PSAT1: variants seen among roughly 807,000 people sequenced by gnomAD.
PSAT1 encodes phosphoserine aminotransferase.
PSAT1 carries 41 observed loss-of-function variants against 40.3 expected under a neutral mutation model. That is an observed-to-expected ratio of 1.02 (90% CI 0.79 to 1.32). PSAT1 has a LOEUF of 1.32. Among genes scored for constraint, PSAT1 ranks in the 40% most tolerant of loss-of-function variants. The pLI is 0.00. For missense variants in PSAT1, 406 were observed against 455.8 expected (o/e 0.89, Z 0.99); for synonymous variants, 147 against 170.5 (o/e 0.86, Z 1.07).
At chr9:78,309,981 T>A (rs1828242694) in intron 6 of PSAT1, among the ~76,000 whole-genome samples, 1 of 152,170 alleles carries the variant, frequency 6.6e-6, no homozygotes, top group South Asian at 2.1e-4. Flanking sequence ...AATAAATCTG[T>A]GTATATATAT....
Position 78,304,837 on chromosome 9 carries a change from T to G in PSAT1, c.294T>G (p.Cys98Trp). ...LNLIGLKAGR[C>W]ADYVVTGAWS... ...TCATTGGCTTGAAAGCAGGAAGGTG[T>G]GCTGACTATGTGGTGACAGGAGCTT... Residue 98 changes from cysteine (C) to tryptophan (W), a missense_variant, in exon 4 of 9, where the codon TGT becomes TGG. Coordinates refer to ENST00000376588, the MANE Select transcript of PSAT1 (RefSeq NM_058179.4). 2 of 1,614,176 alleles carry G rather than the reference T, an allele frequency of 1.2e-6. No individual in the cohort carries two copies. Among genetic ancestry groups the G allele is most frequent in the Non-Finnish European group, 1.7e-6 (2 of 1,180,020 alleles).
At chr9:78,298,454 A>G in intron 1 of PSAT1, 18 of 984,318 alleles carry the variant, frequency 1.8e-5, no homozygotes, top group Non-Finnish European at 2.2e-5. Flanking sequence ...TTCTAGGGGC[A>G]GCGCTCACAG....
At chr9:78,310,735 G>A (rs1047307711) in intron 6 of PSAT1, among the ~76,000 whole-genome samples, 11 of 151,926 alleles carry the variant, frequency 7.2e-5, no homozygotes, top group Admixed American at 1.3e-4. Flanking sequence ...AGCCTCCCGA[G>A]TAGCTGGGAG....
chr9:78,319,288 C>T (rs1048790451), intron 7 of PSAT1, among the ~76,000 whole-genome samples: 5 of 152,238 alleles, frequency 3.3e-5, no homozygotes, highest in Non-Finnish European at 2.9e-5. Flanking sequence ...ATGCTGCTGT[C>T]ACCTTTGTTC....
chr9:78,302,061 A>G, intron 3 of PSAT1, 38 bp downstream of exon 3: 1 of 1,394,254 alleles, frequency 7.2e-7, no homozygotes, highest in South Asian at 1.2e-5. Context: ...TACTTTTGTT[A>G]GATACTTCCT....
intron 6 of PSAT1, among the ~76,000 whole-genome samples, chr9:78,317,269 T>G (rs1452992653): frequency 6.6e-6 from 1 of 152,110 alleles, no homozygotes; most frequent in Non-Finnish European, 1.5e-5. Flanking sequence ...TTATTTTTTT[T>G]GGAGACAGGA....
intron 7 of PSAT1, among the ~76,000 whole-genome samples, chr9:78,325,581 C>T (rs1273584335): frequency 1.3e-5 from 2 of 152,272 alleles, no homozygotes; most frequent in Non-Finnish European, 2.9e-5. Flanking sequence ...TCCCCTGAAA[C>T]CTGTCAACCT....
intron 6 of PSAT1, among the ~76,000 whole-genome samples, chr9:78,310,536 G>C (rs1828250957): frequency 6.6e-6 from 1 of 152,056 alleles, no homozygotes; most frequent in Admixed American, 6.5e-5. Context: ...ATCTGGGCCA[G>C]GATTTTGTCA....
chr9:78,307,077 T>C (rs144616408), intron 5 of PSAT1, among the ~76,000 whole-genome samples: 183 of 152,374 alleles, frequency 1.2e-3, no homozygotes, highest in African/African-American at 4.2e-3. Flanking sequence ...TAACCATTTT[T>C]AAATATACTG....
chr9:78,322,879 G>A (rs1409849987), intron 7 of PSAT1, among the ~76,000 whole-genome samples: 3 of 152,200 alleles, frequency 2.0e-5, no homozygotes, highest in Admixed American at 6.5e-5. Flanking sequence ...ATAACATCTG[G>A]TGCCAGCAAG....
chr9:78,314,304 C>T (rs1432843521), intron 6 of PSAT1, among the ~76,000 whole-genome samples: 30 of 126,024 alleles, frequency 2.4e-4, no homozygotes, highest in African/African-American at 3.3e-4. Flanking sequence ...ACCTCCTATC[C>T]TGTGTTAAGT....
At position 78,304,794 on chromosome 9, in the gene PSAT1, G is replaced by A. The variant is rs1476912688; in HGVS notation, c.251G>A (p.Ser84Asn). ...FLQGGGCGQF[S>N]AVPLNLIGLK... is the part of the protein sequence containing the mutation. The stretch of plus-strand genomic sequence containing the variant: ...CAAGGAGGTGGGTGCGGCCAGTTCA[G>A]TGCTGTCCCCTTAAACCTCATTGGC... Residue 84 changes from serine (S) to asparagine (N), a missense_variant, in exon 4 of 9, where the codon AGT (serine) becomes AAT (asparagine). By Grantham distance (46) the Ser-to-Asn change is conservative. Coordinates refer to ENST00000376588, the MANE Select transcript of PSAT1 (RefSeq NM_058179.4). 2 of 1,614,230 alleles carry A rather than the reference G, an allele frequency of 1.2e-6. No homozygotes were observed. Among genetic ancestry groups the A allele is most frequent in the South Asian group, 1.1e-5 (1 of 91,084 alleles).
intron 1 of PSAT1, chr9:78,298,519 A>G: frequency 2.5e-6 from 2 of 805,252 alleles, no homozygotes; most frequent in Non-Finnish European, 3.0e-6. Flanking sequence ...ATTTTAGGCG[A>G]GATTCCCTGC....
intron 3 of PSAT1, among the ~76,000 whole-genome samples, chr9:78,302,737 A>C (rs1167613987): frequency 3.7e-5 from 1 of 27,218 alleles, no homozygotes; most frequent in Admixed American, 5.0e-4. Context: ...CCGTCTCAAA[A>C]AAAAAAAAAA....
intron 7 of PSAT1, among the ~76,000 whole-genome samples, chr9:78,320,213 C>T (rs544920480): frequency 7.9e-5 from 12 of 151,846 alleles, no homozygotes; most frequent in Admixed American, 7.9e-4. Context: ...ATCTATCCAC[C>T]CGCCCATTCA....
chr9:78,327,641 C>A (rs1205611878), intron 7 of PSAT1, among the ~76,000 whole-genome samples: 1 of 152,140 alleles, frequency 6.6e-6, no homozygotes, highest in Non-Finnish European at 1.5e-5. Flanking sequence ...TGCCTTACAG[C>A]CACTATAGGA....
chr9:78,315,470 T>A lies in PSAT1; in HGVS notation c.741-2206T>A, dbSNP rs145704067. Among the ~76,000 whole-genome samples, 167 of 152,340 alleles carry A rather than the reference T, an allele frequency of 1.1e-3. 1 individual carries two copies. Among genetic ancestry groups the A allele is most frequent in the Admixed American group, 6.1e-3 (93 of 15,302 alleles). ...CCCTTCTCTTACTTTCTCTCTTCTGTCTCTTTTGTCCCTCTGACTTCTTGG... is the reference window on the plus strand; with the variant it reads ...CCCTTCTCTTACTTTCTCTCTTCTGACTCTTTTGTCCCTCTGACTTCTTGG... On this transcript the variant is annotated intron_variant, in intron 6 of 8. Transcript: ENST00000376588.
chr9:78,310,181 G>T (rs1367356651), intron 6 of PSAT1, among the ~76,000 whole-genome samples: 18 of 152,096 alleles, frequency 1.2e-4, no homozygotes, highest in Non-Finnish European at 1.5e-5. Context: ...GTGTATGACC[G>T]TTTAATCCTC....
At chr9:78,297,761 A>G (rs1406429639) in intron 1 of PSAT1, among the ~76,000 whole-genome samples, 2 of 152,236 alleles carry the variant, frequency 1.3e-5, no homozygotes, top group Non-Finnish European at 2.9e-5. Context: ...GGTTTTGCAT[A>G]TGCAGTGGAT....
Sources: allele counts gnomAD v4.1 joint callset (sites outside exome capture counted in the v4.1 genomes callset), GRCh38; gene constraint gnomAD v4.1.1; transcripts MANE v1.5; gene names NCBI Gene and HGNC (gene_info 2026-07-23, HGNC 2026-07-21).